The following ARRDC5 variants were observed in gnomAD, a reference collection of about 807,000 sequenced individuals.
ARRDC5 encodes arrestin domain containing 5.
ARRDC5 carries 12 observed loss-of-function variants against 13.3 expected under a neutral mutation model. That is an observed-to-expected ratio of 0.90 (90% CI 0.58 to 1.46). ARRDC5 has a LOEUF of 1.46. Ranked by LOEUF, ARRDC5 falls within the 40% of genes most tolerant of loss-of-function variation. The pLI, the probability that ARRDC5 is intolerant of heterozygous loss-of-function variation, is 0.00. For missense variants in ARRDC5, 406 were observed against 418.7 expected, an observed-to-expected ratio of 0.97 and a Z score of 0.26; for synonymous variants, 181 against 173.4, an observed-to-expected ratio of 1.04 and a Z score of -0.34.
chr19:4,916,479 C>T, the ARRDC5 span, among the ~76,000 whole-genome samples: 1 of 152,154 alleles, frequency 6.6e-6, no homozygotes, highest in Non-Finnish European at 1.5e-5. Flanking sequence ...CGACAGTGAT[C>T]GTGGTGTCTT....
At chr19:4,896,403 C>CATATAT (rs1480046737) in intron 2 of ARRDC5, among the ~76,000 whole-genome samples, 127 of 108,376 alleles carry the variant, frequency 1.2e-3, no homozygotes, top group Non-Finnish European at 1.7e-3. Context: ...CACACACACA[C>CATATAT]ACATATATAT....
chr19:4,914,583 C>G, the ARRDC5 span, among the ~76,000 whole-genome samples: 29 of 151,432 alleles, frequency 1.9e-4, no homozygotes, highest in African/African-American at 7.0e-4. Context: ...GGGAGCTGAT[C>G]GAGGGCAGTG....
upstream of ARRDC5, among the ~76,000 whole-genome samples, chr19:4,905,553 T>C (rs946154003): frequency 6.6e-6 from 1 of 150,502 alleles, no homozygotes; most frequent in African/African-American, 2.4e-5. Flanking sequence ...GTTTTGCTCT[T>C]GTTGCCCAGG....
the ARRDC5 span, among the ~76,000 whole-genome samples, chr19:4,911,425 T>A: frequency 2.0e-5 from 3 of 152,270 alleles, no homozygotes; most frequent in African/African-American, 7.2e-5. Flanking sequence ...CAGGTTTTCT[T>A]TTTTAAACAT....
chr19:4,897,433 C>T (rs975610011), intron 1 of ARRDC5, among the ~76,000 whole-genome samples: 1 of 152,080 alleles, frequency 6.6e-6, no homozygotes, highest in Admixed American at 6.6e-5. Flanking sequence ...GAGTTGTCAC[C>T]CGAAACCACT....
intron 1 of ARRDC5, among the ~76,000 whole-genome samples, chr19:4,901,435 G>A (rs553453468): frequency 6.6e-6 from 1 of 152,098 alleles, no homozygotes; most frequent in African/African-American, 2.4e-5. Context: ...CCAACGTGGT[G>A]AAACCCTGCC....
chr19:4,916,773 G>A, the ARRDC5 span, among the ~76,000 whole-genome samples: 1 of 152,198 alleles, frequency 6.6e-6, no homozygotes, highest in African/African-American at 2.4e-5. Flanking sequence ...CGCTGAGACG[G>A]GCCAGCAGGA....
chr19:4,891,010 A>C lies in ARRDC5; in HGVS notation c.*36T>G. On this transcript the variant is annotated 3_prime_UTR_variant, in exon 3 of 3. Coordinates refer to ENST00000650722, the MANE Select transcript of ARRDC5 (RefSeq NM_001080523.3). The stretch of plus-strand genomic sequence containing the variant: ...GAGAGAGGGCTTCCTCCTGGTAGAG[A>C]CTAATAAAGCTTTTAATATTTAAAA... 3 of 1,558,376 alleles carry C rather than the reference A, an allele frequency of 1.9e-6. No homozygotes were observed. Among genetic ancestry groups the C allele is most frequent in the Non-Finnish European group, 1.7e-6 (2 of 1,149,224 alleles).
chr19:4,896,933 C>A, intron 1 of ARRDC5, 57 bp from the exon 2 acceptor site: 2 of 1,197,610 alleles, frequency 1.7e-6, no homozygotes, highest in Non-Finnish European at 2.4e-6. Flanking sequence ...TTTCCTTCTT[C>A]TTCTTTTTTT....
At position 4,891,310 on chromosome 19, in the gene ARRDC5, G is replaced by C; in HGVS notation, c.723C>G (p.Ala241=). Residue 241 remains alanine (A), a synonymous_variant, in exon 3 of 3, where the codon GCC becomes GCG. Coordinates refer to ENST00000650722, the MANE Select transcript of ARRDC5 (RefSeq NM_001080523.3). ...LDSSELLRQE[A]NTPVTRFNTT... ...TGTTGAAGCGGGTCACGGGGGTGTT[G>C]GCCTCCTGCCTCAGAAGCTCGCTGC... The C allele has an allele frequency of 1.9e-6, 3 of 1,613,920 alleles. No homozygotes were observed. The highest frequency in any genetic ancestry group is 2.5e-6 in the Non-Finnish European group (3 of 1,179,880).
chr19:4,905,108 CTTTT>C (rs61443004), upstream of ARRDC5, among the ~76,000 whole-genome samples: 778 of 95,110 alleles, frequency 8.2e-3, 2 homozygotes, highest in African/African-American at 0.037. Context: ...CGTAAACTTT[CTTTT>C]TTTTTTTTTT....
chr19:4,906,643 C>T (rs908746191), upstream of ARRDC5, among the ~76,000 whole-genome samples: 1 of 152,126 alleles, frequency 6.6e-6, no homozygotes, highest in Non-Finnish European at 1.5e-5. Flanking sequence ...GTTCCTGCTA[C>T]TGGGGAGGCT....
At chr19:4,915,991 G>C in the ARRDC5 span, among the ~76,000 whole-genome samples, 6 of 152,104 alleles carry the variant, frequency 3.9e-5, no homozygotes, top group African/African-American at 1.4e-4. Context: ...TGTCTGTGTG[G>C]ATTATGTCTG....
At chr19:4,894,116 C>T (rs1304155595) in intron 2 of ARRDC5, among the ~76,000 whole-genome samples, 2 of 151,336 alleles carry the variant, frequency 1.3e-5, no homozygotes, top group Admixed American at 1.3e-4. Context: ...GTGGCTCACG[C>T]CTGTAATCCC....
chr19:4,905,116 T>A (rs958682318), upstream of ARRDC5, among the ~76,000 whole-genome samples: 5 of 139,142 alleles, frequency 3.6e-5, no homozygotes, highest in Non-Finnish European at 7.8e-5. Flanking sequence ...TTCTTTTTTT[T>A]TTTTTTTTTT....
At chr19:4,896,135 C>T (rs867419582) in intron 2 of ARRDC5, among the ~76,000 whole-genome samples, 3 of 151,760 alleles carry the variant, frequency 2.0e-5, no homozygotes, top group South Asian at 4.2e-4. Flanking sequence ...GCCAACATGG[C>T]GAAACCCTGT....
rs200788807 is a variant in ARRDC5 at position 4,896,664 on chromosome 19, T to G, written c.459+7A>C. ...TGTTCCCACCTCCACCTTTCCCCCATCGGTACCTGGAATGGGGTTTCTTTG... is the reference window on the plus strand; with the variant it reads ...TGTTCCCACCTCCACCTTTCCCCCAGCGGTACCTGGAATGGGGTTTCTTTG... On this transcript the variant is annotated splice_region_variant and intron_variant, in intron 2 of 2. Coordinates refer to ENST00000650722, the MANE Select transcript of ARRDC5 (RefSeq NM_001080523.3). 4.5e-5 allele frequency: 73 copies of G among 1,604,832 alleles called. No homozygotes were observed. The East Asian group carries it at 1.6e-3, about 34-fold the overall frequency.
At chr19:4,914,469 G>C in the ARRDC5 span, among the ~76,000 whole-genome samples, 53 of 152,204 alleles carry the variant, frequency 3.5e-4, no homozygotes, top group Non-Finnish European at 3.5e-4. Context: ...GGAGACCCCA[G>C]AGCAGAACAG....
At chr19:4,906,402 C>T (rs118108997), upstream of ARRDC5, among the ~76,000 whole-genome samples, 61 of 152,306 alleles carry the variant, frequency 4.0e-4, 1 homozygote, top group East Asian at 0.011. Context: ...TCCTCTGTGA[C>T]ACTTAACTTC....
Sources: allele counts gnomAD v4.1 joint callset (sites outside exome capture counted in the v4.1 genomes callset), GRCh38; gene constraint gnomAD v4.1.1; transcripts MANE v1.5; gene names NCBI Gene and HGNC (gene_info 2026-07-23, HGNC 2026-07-21).